The following AKAP9 variants were observed in gnomAD, a reference collection of about 807,000 sequenced individuals.
The protein encoded by AKAP9 is A-kinase anchor protein 9.
A neutral mutation model predicts 488.5 loss-of-function variants in AKAP9; 311 were observed. The ratio of observed to expected loss-of-function variants is 0.64; its 90% CI spans 0.58 to 0.70. The LOEUF (loss-of-function observed/expected upper bound fraction) is 0.70, where lower values mean the gene tolerates loss of function less well. Ranked by LOEUF, AKAP9 falls within the 30% of genes least tolerant of loss-of-function variation. AKAP9 has a pLI of 0.00. For synonymous variants in AKAP9, 1,462 were observed against 1,483.5 expected (o/e 0.99, Z 0.33); for missense variants, 4,215 against 4,374.5 (o/e 0.96, Z 1.03).
At position 92,110,641 on chromosome 7, in the gene AKAP9, T is replaced by C. The variant is rs1210315476; in HGVS notation, c.*482T>C. 4.9e-6 allele frequency: 1 copy of C among 202,248 alleles called. No homozygotes were observed. The allele number at this position is 202,248 out of a possible 1,614,324, so 12.5% of individuals were successfully genotyped here. On this transcript the variant is annotated 3_prime_UTR_variant, in exon 50 of 50. Transcript: ENST00000356239. ...TTTTATGGGGTATTTTGTCAAGTAC[T>C]GAAATAAAAATGACTTCACCATTTT...
At position 92,085,475 on chromosome 7, in the gene AKAP9, T is replaced by C. The variant is rs1814373254; in HGVS notation, c.8833-20T>C. 1 of 1,612,686 alleles carries C rather than the reference T, an allele frequency of 6.2e-7. No homozygotes were observed. Among genetic ancestry groups the C allele is most frequent in the Non-Finnish European group, 8.5e-7 (1 of 1,178,864 alleles). On this transcript the variant is annotated intron_variant, in intron 35 of 49. Coordinates refer to ENST00000356239, the MANE Select transcript of AKAP9 (RefSeq NM_005751.5). ...GTGAAGAAGTTGTCATAATTCTGGC[T>C]CTTGGGTTTTGGTTTCCAGGGATTA...
intron 18 of AKAP9, 161 bp downstream of exon 18, chr7:92,041,059 A>G (rs1173778481): frequency 6.3e-6 from 4 of 635,448 alleles, no homozygotes; most frequent in Non-Finnish European, 1.1e-5. Flanking sequence ...AGCATCAGGA[A>G]CACACTCTAT....
Position 92,083,653 on chromosome 7 carries a change from G to T in AKAP9, c.8644G>T (p.Glu2882Ter). The part of the protein sequence containing the change: ...KAVIQCLRSK[E>*]GSSIPELAHS... ...AGTGATACAGTGTCTGAGAAGTAAA[G>T]AGGTATTTGGTTTTTATAATATGTG... is the stretch of plus-strand genomic sequence containing the variant. Residue 2882 changes from glutamate to a stop codon, truncating the protein, a stop_gained and splice_region_variant, in exon 33 of 50, where the codon GAG becomes TAG. Coordinates refer to ENST00000356239, the MANE Select transcript of AKAP9 (RefSeq NM_005751.5). LOFTEE classifies it high-confidence loss of function. 6.2e-7 allele frequency: 1 copy of T among 1,610,658 alleles called. No homozygotes were observed. Among genetic ancestry groups the T allele is most frequent in the South Asian group, 1.1e-5 (1 of 89,972 alleles).
chr7:92,013,183 G>T (rs1485058108), intron 9 of AKAP9, among the ~76,000 whole-genome samples: 1 of 150,768 alleles, frequency 6.6e-6, no homozygotes, highest in Admixed American at 6.6e-5. Context: ...AGTAGAGACG[G>T]GGTTTCACCG....
chr7:91,958,378 G>A (rs1027396694), intron 1 of AKAP9, among the ~76,000 whole-genome samples: 1 of 152,152 alleles, frequency 6.6e-6, no homozygotes, highest in Non-Finnish European at 1.5e-5. Flanking sequence ...AAACTGTGCA[G>A]TGTTATTTGT....
intron 14 of AKAP9, among the ~76,000 whole-genome samples, chr7:92,029,525 T>TA (rs1362691472): frequency 6.6e-6 from 1 of 152,218 alleles, no homozygotes; most frequent in Non-Finnish European, 1.5e-5. Context: ...CTCATGCCTG[T>TA]AATCCCAGCA....
At position 92,012,490 on chromosome 7, in the gene AKAP9, A is replaced by G. The variant is rs775317970; in HGVS notation, c.3380A>G (p.His1127Arg). Residue 1127 changes from histidine to arginine, a missense_variant, in exon 9 of 50, where the codon CAT becomes CGT. Around this residue, in one of 5 missense-constraint regions of AKAP9, gnomAD observed 2,361 missense variants for 2,430.0 expected, o/e 0.97. Coordinates refer to ENST00000356239, the MANE Select transcript of AKAP9 (RefSeq NM_005751.5). ...TGCCTCTCTCTGGTTTATTCAACTC[A>G]TGTGGATCAGGTTCGTGAATATATG... The part of the protein sequence containing the change: ...RICLSLVYST[H>R]VDQVREYMEN... 1.9e-6 allele frequency: 3 copies of G among 1,614,076 alleles called. No homozygotes were observed. The highest frequency in any genetic ancestry group is 2.5e-6 in the Non-Finnish European group (3 of 1,179,970).
intron 9 of AKAP9, 37 bp from the exon 10 acceptor site, chr7:92,014,212 T>C (rs779787164): frequency 6.4e-6 from 9 of 1,404,058 alleles, no homozygotes; most frequent in Non-Finnish European, 9.1e-6. Flanking sequence ...CTTAAGTATG[T>C]AAATTGAATT....
chr7:92,019,144 CT>C (rs919867863), intron 12 of AKAP9, among the ~76,000 whole-genome samples: 59 of 146,054 alleles, frequency 4.0e-4, no homozygotes, highest in African/African-American at 9.0e-4. Context: ...TTTTACTTTC[CT>C]TTTTTTTTTT....
intron 21 of AKAP9, among the ~76,000 whole-genome samples, chr7:92,050,758 C>G (rs1807837219): frequency 6.6e-6 from 1 of 152,182 alleles, no homozygotes; most frequent in East Asian, 1.9e-4. Flanking sequence ...TCATTGCAGA[C>G]CCAAAATTCC....
Position 92,062,288 on chromosome 7 carries a change from T to C in AKAP9, c.5779T>C (p.Tyr1927His), listed in dbSNP as rs756486044. The C allele has an allele frequency of 5.0e-6, 8 of 1,612,832 alleles. No homozygotes were observed. In the East Asian group the frequency reaches 1.6e-4, roughly 31 times the overall value. ...LSKAEGVIDG[Y>H]ADEKTLFERQ... ...TTGTATTATAGGCGTCATTGATGGC[T>C]ATGCAGATGAAAAAACTCTTTTTGA... Residue 1927 changes from tyrosine (Y) to histidine (H), a missense_variant, in exon 24 of 50, where the codon TAT becomes CAT. Tyr to His is a moderately conservative substitution (Grantham distance 83, BLOSUM62 2). Around this residue, in one of 5 missense-constraint regions of AKAP9, gnomAD observed 2,361 missense variants for 2,430.0 expected, o/e 0.97. Transcript: ENST00000356239.
chr7:92,105,568 A>G, intron 46 of AKAP9, 110 bp from the exon 47 acceptor site: 1 of 835,076 alleles, frequency 1.2e-6, no homozygotes, highest in Non-Finnish European at 2.0e-6. Context: ...CAATTGTGAA[A>G]TTTGACATTT....
At position 91,975,006 on chromosome 7, in the gene AKAP9, A is replaced by T. The variant is rs149203694; in HGVS notation, c.306+1038A>T. Among the ~76,000 whole-genome samples, 54 of 151,870 alleles carry T rather than the reference A, an allele frequency of 3.6e-4. 2 individuals carry two copies. In the East Asian group the frequency reaches 9.9e-3, roughly 28 times the overall value. ...GCTGGGACCACAGGTGCATGCTACC[A>T]CACCTGGTTAATGTTTTGTATTTTT... is the stretch of plus-strand genomic sequence containing the variant. On this transcript the variant is annotated intron_variant, in intron 2 of 49. Coordinates refer to ENST00000356239, the MANE Select transcript of AKAP9 (RefSeq NM_005751.5).
chr7:92,080,221 A>C (rs1175246661), intron 31 of AKAP9, 69 bp downstream of exon 31: 6 of 1,199,366 alleles, frequency 5.0e-6, no homozygotes, highest in Non-Finnish European at 3.5e-6. Flanking sequence ...AATTTACTAA[A>C]TATGGTGTTC....
rs757229945 is a variant in AKAP9 at position 92,089,457 on chromosome 7, G to A, written c.9286G>A (p.Ala3096Thr). ...DRRSLLSEIQ[A>T]LHAQMNGRKI... Reference sequence around the variant, plus strand: ...AAGGAGTTTGTTATCTGAAATTCAGGCACTGCATGCACAAATGAATGGTAG... The same window carrying A: ...AAGGAGTTTGTTATCTGAAATTCAGACACTGCATGCACAAATGAATGGTAG... Residue 3096 changes from alanine (A) to threonine (T), a missense_variant, in exon 38 of 50, where the codon GCA becomes ACA. Physicochemically the swap from Ala to Thr is moderately conservative, Grantham distance 58. Around this residue, in one of 5 missense-constraint regions of AKAP9, gnomAD observed 1,476 missense variants for 1,477.4 expected, o/e 1.00. Coordinates refer to ENST00000356239, the MANE Select transcript of AKAP9 (RefSeq NM_005751.5). The A allele has an allele frequency of 4.3e-6, 7 of 1,612,938 alleles. No individual in the cohort carries two copies. The highest frequency in any genetic ancestry group is 5.1e-6 in the Non-Finnish European group (6 of 1,179,702).
At chr7:91,956,399 CAAAAAA>C (rs554292233) in intron 1 of AKAP9, among the ~76,000 whole-genome samples, 52,563 of 107,998 alleles carry the variant, frequency 0.49, 9,848 homozygotes, top group South Asian at 0.51. Flanking sequence ...GACTCTGTCT[CAAAAAA>C]AAAAAAAAAA....
chr7:91,995,646 C>T lies in AKAP9; in HGVS notation c.776C>T (p.Thr259Ile). Residue 259 changes from threonine to isoleucine, a missense_variant, in exon 7 of 50, where the codon ACA becomes ATA. Physicochemically the swap from Thr to Ile is moderately conservative, Grantham distance 89 (BLOSUM62 -1). Transcript: ENST00000356239. The stretch of plus-strand genomic sequence containing the variant: ...CTGAGAAACAGCACTCATAGTAGCA[C>T]AGCTGCAGACTTACTACAAGCCAAA... ...ETLRNSTHSSTAADLLQAKQQ... is the reference protein window; with the variant it reads ...ETLRNSTHSSIAADLLQAKQQ... 1.9e-6 allele frequency: 3 copies of T among 1,614,126 alleles called. No homozygotes were observed. Among genetic ancestry groups the T allele is most frequent in the Non-Finnish European group, 2.5e-6 (3 of 1,180,028 alleles).
At chr7:92,013,031 G>T (rs1364305652) in intron 9 of AKAP9, among the ~76,000 whole-genome samples, 1 of 112,220 alleles carries the variant, frequency 8.9e-6, no homozygotes, top group African/African-American at 3.4e-5. Context: ...TCGCTCTGTC[G>T]CCCAGGCTGG....
intron 1 of AKAP9, among the ~76,000 whole-genome samples, chr7:91,945,483 G>A (rs893085819): frequency 2.6e-5 from 4 of 152,130 alleles, no homozygotes; most frequent in Admixed American, 6.5e-5. Flanking sequence ...CTCCAGCCTG[G>A]GTGACAGAGC....
Sources: allele counts gnomAD v4.1 joint callset (sites outside exome capture counted in the v4.1 genomes callset), GRCh38; gene constraint gnomAD v4.1.1; regional missense constraint gnomAD v4.1.1; transcripts MANE v1.5; gene names NCBI Gene and HGNC (gene_info 2026-07-23, HGNC 2026-07-21).